The following GGTA1 variants were observed in gnomAD, a reference collection of about 807,000 sequenced individuals.
GGTA1 encodes the protein glycoprotein alpha-galactosyltransferase 1 (inactive).
A neutral mutation model predicts 2.6 loss-of-function variants in GGTA1; 5 were observed. The ratio of observed to expected loss-of-function variants is 1.92; its 90% CI spans 1.00 to 4.04. The LOEUF (loss-of-function observed/expected upper bound fraction) is 4.04. Ranked by LOEUF, GGTA1 falls within the 30% of genes most tolerant of loss-of-function variation. The pLI, the probability that GGTA1 is intolerant of heterozygous loss-of-function variation, is 0.00. For synonymous variants in GGTA1, 17 were observed against 5.0 expected, an observed-to-expected ratio of 3.38 and a Z score of -3.19; for missense variants, 50 against 16.7, an observed-to-expected ratio of 2.99 and a Z score of -3.47.
chr9:121,462,143 G>C (rs1374145115), intron 3 of GGTA1, among the ~76,000 whole-genome samples: 1 of 152,204 alleles, frequency 6.6e-6, no homozygotes, highest in East Asian at 1.9e-4. Flanking sequence ...GGCCAACACA[G>C]TGAAACCCCA....
intron 1 of GGTA1, among the ~76,000 whole-genome samples, chr9:121,475,327 G>A (rs971755663): frequency 2.6e-5 from 4 of 152,140 alleles, no homozygotes; most frequent in Non-Finnish European, 4.4e-5. Context: ...TCCACCCCTT[G>A]TTTAGCATGT....
chr9:121,487,849 G>A (rs1828793594), intron 1 of GGTA1, among the ~76,000 whole-genome samples: 2 of 151,860 alleles, frequency 1.3e-5, no homozygotes, highest in South Asian at 4.2e-4. Flanking sequence ...CCACGTAGCT[G>A]GGATTACAGG....
chr9:121,472,045 C>G (rs962227705), intron 1 of GGTA1, among the ~76,000 whole-genome samples: 3 of 152,150 alleles, frequency 2.0e-5, no homozygotes, highest in African/African-American at 7.2e-5. Flanking sequence ...GAGCAGTGGC[C>G]CTCATCAACA....
At chr9:121,484,718 C>T (rs1828722943) in intron 1 of GGTA1, among the ~76,000 whole-genome samples, 1 of 152,230 alleles carries the variant, frequency 6.6e-6, no homozygotes, top group Admixed American at 6.5e-5. Flanking sequence ...GTGAGCGATA[C>T]TTTCCTTATT....
chr9:121,466,015 A>T (rs993103683), intron 2 of GGTA1, among the ~76,000 whole-genome samples: 1 of 152,122 alleles, frequency 6.6e-6, no homozygotes, highest in African/African-American at 2.4e-5. Context: ...TCTCAGGCTC[A>T]AGTGATCCTC....
In GGTA1 at chr9:121,472,320, T is replaced by A. The variant is rs117422017; in HGVS notation, c.-9-4389A>T. ...TAAGGGATTGTGGACCTCTACTGGA[T>A]CACATTAAATTAATAGTGATGATTA... On this transcript the variant is annotated intron_variant, in intron 1 of 5. Transcript: ENST00000481799. 3.3e-4 allele frequency among the ~76,000 whole-genome samples: 50 copies of A among 152,196 alleles called. 1 individual carries two copies. In the East Asian group the frequency reaches 9.1e-3, roughly 28 times the overall value.
At chr9:121,497,745 C>T (rs1288951754) in intron 1 of GGTA1, among the ~76,000 whole-genome samples, 1 of 152,178 alleles carries the variant, frequency 6.6e-6, no homozygotes, top group African/African-American at 2.4e-5. Flanking sequence ...TTACCTCAAC[C>T]TGTGAGACCA....
At chr9:121,487,852 A>G (rs1828793645) in intron 1 of GGTA1, among the ~76,000 whole-genome samples, 1 of 151,800 alleles carries the variant, frequency 6.6e-6, no homozygotes. Flanking sequence ...CGTAGCTGGG[A>G]TTACAGGTGC....
intron 1 of GGTA1, among the ~76,000 whole-genome samples, chr9:121,471,735 C>T (rs886108437): frequency 1.2e-4 from 19 of 152,196 alleles, no homozygotes; most frequent in Non-Finnish European, 2.6e-4. Flanking sequence ...CAGGCCTCTT[C>T]CCTCTAAGTA....
At chr9:121,482,224 T>C (rs181020363) in intron 1 of GGTA1, among the ~76,000 whole-genome samples, 5 of 151,946 alleles carry the variant, frequency 3.3e-5, no homozygotes, top group Non-Finnish European at 7.4e-5. Flanking sequence ...TCCCAGCACT[T>C]TGGGAGGCTG....
At chr9:121,481,152 CAAAA>C (rs56784223) in intron 1 of GGTA1, among the ~76,000 whole-genome samples, 20 of 78,522 alleles carry the variant, frequency 2.5e-4, no homozygotes, top group African/African-American at 5.9e-4. Context: ...GACACCATCT[CAAAA>C]AAAAAAAAAA....
chr9:121,492,044 A>C lies in GGTA1; in HGVS notation c.-10+7606T>G, dbSNP rs145233929. ...TAAATTCTGGGTGAATTTATAAATG[A>C]ATGAATGGATTTGTGGTAGCTCAGT... On this transcript the variant is annotated intron_variant, in intron 1 of 5. Transcript: ENST00000481799. Among the ~76,000 whole-genome samples the C allele has an allele frequency of 4.2e-3, 647 of 152,302 alleles. 3 individuals are homozygous for C. The highest frequency in any genetic ancestry group is 7.9e-3 in the Non-Finnish European group (536 of 68,026).
At chr9:121,472,130 A>G (rs1828401022) in intron 1 of GGTA1, among the ~76,000 whole-genome samples, 1 of 152,214 alleles carries the variant, frequency 6.6e-6, no homozygotes, top group Admixed American at 6.5e-5. Flanking sequence ...ACATGAGGCC[A>G]TTTATAATCT....
At chr9:121,463,828 G>A (rs1181351509) in intron 2 of GGTA1, among the ~76,000 whole-genome samples, 2 of 152,084 alleles carry the variant, frequency 1.3e-5, no homozygotes, top group Non-Finnish European at 2.9e-5. Flanking sequence ...AAATGCCGTG[G>A]CCCAGACATC....
chr9:121,465,154 C>T (rs1460181320), intron 2 of GGTA1, among the ~76,000 whole-genome samples: 1 of 152,242 alleles, frequency 6.6e-6, no homozygotes, highest in Admixed American at 6.5e-5. Context: ...GGCTACCATG[C>T]AGAGAGAGTG....
chr9:121,458,393 C>T (rs185489292), intron 5 of GGTA1, among the ~76,000 whole-genome samples: 274 of 151,274 alleles, frequency 1.8e-3, no homozygotes, highest in African/African-American at 6.3e-3. Context: ...TTTGGGAGGC[C>T]GAGGCAGGGG....
At chr9:121,485,562 C>T (rs993018324) in intron 1 of GGTA1, among the ~76,000 whole-genome samples, 6 of 152,050 alleles carry the variant, frequency 3.9e-5, no homozygotes, top group South Asian at 2.1e-4. Flanking sequence ...GAGTGGATGG[C>T]GGTGTATAGG....
At chr9:121,487,373 C>A (rs528784979) in intron 1 of GGTA1, among the ~76,000 whole-genome samples, 3 of 151,646 alleles carry the variant, frequency 2.0e-5, no homozygotes, top group Non-Finnish European at 2.9e-5. Flanking sequence ...GTCAGGAGTT[C>A]GAGACCAGCC....
chr9:121,460,934 T>G (rs1235738304), intron 4 of GGTA1, among the ~76,000 whole-genome samples: 1 of 151,874 alleles, frequency 6.6e-6, no homozygotes, highest in Admixed American at 6.6e-5. Flanking sequence ...CTTATTTATC[T>G]GGATGTGGTA....
Sources: gnomAD v4.1 joint callset for allele counts (sites outside exome capture counted in the v4.1 genomes callset) on GRCh38, gnomAD v4.1.1 for gene constraint, MANE v1.5 for transcripts, NCBI Gene and HGNC (gene_info 2026-07-23, HGNC 2026-07-21) for gene names.